Variants in NCALD observed in about 807,000 individuals in gnomAD.
NCALD encodes neurocalcin delta.
A neutral mutation model predicts 18.6 loss-of-function variants in NCALD; 10 were observed. The ratio of observed to expected loss-of-function variants is 0.54; its 90% CI spans 0.33 to 0.91. NCALD has a LOEUF of 0.91. NCALD is among the 40% of genes least tolerant of loss of function. NCALD has a pLI of 0.03. For synonymous variants in NCALD, 88 were observed against 87.4 expected, an observed-to-expected ratio of 1.01 and a Z score of -0.04; for missense variants, 184 against 247.6, an observed-to-expected ratio of 0.74 and a Z score of 1.72.
chr8:101,999,497 A>C (rs996184055), intron 2 of NCALD, among the ~76,000 whole-genome samples: 35 of 152,272 alleles, frequency 2.3e-4, no homozygotes, highest in Non-Finnish European at 7.4e-5. Flanking sequence ...AGAATGATAC[A>C]ATGGACTTTG....
chr8:102,048,816 C>T (rs1407074695), intron 1 of NCALD, among the ~76,000 whole-genome samples: 1 of 152,130 alleles, frequency 6.6e-6, no homozygotes, highest in African/African-American at 2.4e-5. Flanking sequence ...AGGAGAGGTG[C>T]CTTGTTTTCA....
chr8:102,054,549 G>A (rs1050332705), intron 1 of NCALD, among the ~76,000 whole-genome samples: 2 of 151,710 alleles, frequency 1.3e-5, no homozygotes, highest in African/African-American at 2.4e-5. Flanking sequence ...AATTCAGACC[G>A]CCTTTAGACT....
intron 2 of NCALD, among the ~76,000 whole-genome samples, chr8:101,704,088 T>G (rs922978755): frequency 3.9e-5 from 6 of 152,336 alleles, no homozygotes; most frequent in Admixed American, 1.3e-4. Context: ...AGCTGAGTGC[T>G]GCTCTCGTGT....
intron 1 of NCALD, among the ~76,000 whole-genome samples, chr8:102,026,003 G>A (rs1822441587): frequency 6.6e-6 from 1 of 152,118 alleles, no homozygotes; most frequent in Admixed American, 6.5e-5. Flanking sequence ...AGCAAAAGCA[G>A]GGAAAGTCCC....
intron 4 of NCALD, among the ~76,000 whole-genome samples, chr8:101,862,852 C>T (rs993359775): frequency 3.9e-5 from 6 of 152,188 alleles, no homozygotes; most frequent in Non-Finnish European, 8.8e-5. Context: ...TTTAAAAAGG[C>T]ATTATTAATA....
chr8:102,052,802 G>A (rs1823499497), intron 1 of NCALD, among the ~76,000 whole-genome samples: 1 of 152,208 alleles, frequency 6.6e-6, no homozygotes, highest in South Asian at 2.1e-4. Flanking sequence ...AACAGCCACA[G>A]AGAAGACACA....
At chr8:102,030,642 G>A (rs1458060672) in intron 1 of NCALD, among the ~76,000 whole-genome samples, 1 of 152,170 alleles carries the variant, frequency 6.6e-6, no homozygotes, top group Non-Finnish European at 1.5e-5. Context: ...AGCACTTTCG[G>A]AGTTGGGCGG....
intron 1 of NCALD, among the ~76,000 whole-genome samples, chr8:102,054,660 C>CGATAGATAGATAGATA (rs10617345): frequency 1.4e-5 from 2 of 142,294 alleles, no homozygotes; most frequent in South Asian, 2.4e-4. Context: ...CTTTCTCTTC[C>CGATAGATAGATAGATA]GATAGATAGA....
At chr8:102,071,392 G>A (rs1437650111) in intron 1 of NCALD, among the ~76,000 whole-genome samples, 5 of 152,088 alleles carry the variant, frequency 3.3e-5, no homozygotes, top group Admixed American at 1.3e-4. Context: ...CATAACCAAC[G>A]AAAATTCTCT....
chr8:101,725,134 C>A (rs1001865499), intron 1 of NCALD, among the ~76,000 whole-genome samples: 1 of 152,122 alleles, frequency 6.6e-6, no homozygotes, highest in African/African-American at 2.4e-5. Context: ...GCCTGGAAAC[C>A]ATGACCCTAA....
chr8:101,829,019 G>A (rs776419533), intron 4 of NCALD, among the ~76,000 whole-genome samples: 19 of 152,136 alleles, frequency 1.2e-4, no homozygotes, highest in Admixed American at 3.3e-4. Flanking sequence ...TTATAGGATT[G>A]CAGAGAGGAG....
intron 1 of NCALD, among the ~76,000 whole-genome samples, chr8:102,043,169 A>G (rs1211712873): frequency 6.6e-6 from 1 of 151,966 alleles, no homozygotes; most frequent in Non-Finnish European, 1.5e-5. Context: ...AACTTCACCT[A>G]ACAGTTATGA....
At chr8:102,008,778 T>G (rs942530811) in intron 2 of NCALD, among the ~76,000 whole-genome samples, 3 of 152,136 alleles carry the variant, frequency 2.0e-5, no homozygotes, top group Non-Finnish European at 4.4e-5. Context: ...AGTAACTGAT[T>G]CTTACTGCTT....
chr8:101,970,892 T>C (rs1433591609), intron 2 of NCALD, among the ~76,000 whole-genome samples: 9 of 152,200 alleles, frequency 5.9e-5, no homozygotes, highest in Non-Finnish European at 1.0e-4. Flanking sequence ...TAGGGCCTAA[T>C]AGGAGGTATT....
intron 3 of NCALD, among the ~76,000 whole-genome samples, chr8:101,901,288 T>G (rs1817411408): frequency 2.0e-5 from 3 of 150,674 alleles, no homozygotes; most frequent in South Asian, 4.1e-4. Flanking sequence ...TTTTTAAAAA[T>G]CCATCATGTC....
intron 2 of NCALD, among the ~76,000 whole-genome samples, chr8:101,954,229 GGT>G (rs1819538747): frequency 6.6e-6 from 1 of 152,168 alleles, no homozygotes; most frequent in South Asian, 2.1e-4. Flanking sequence ...AACTCATGAT[GGT>G]GACTTGGACA....
intron 4 of NCALD, among the ~76,000 whole-genome samples, chr8:101,878,086 T>C (rs1250577546): frequency 6.6e-6 from 1 of 152,216 alleles, no homozygotes; most frequent in African/African-American, 2.4e-5. Flanking sequence ...CACGGAAAAC[T>C]AAGTGGCCAA....
chr8:101,718,117 C>G (rs975136084), intron 2 of NCALD, among the ~76,000 whole-genome samples: 2 of 152,134 alleles, frequency 1.3e-5, no homozygotes, highest in African/African-American at 4.8e-5. Context: ...AGTGTCTGAG[C>G]ATTTTGTAAG....
rs145610991 is a variant in NCALD at position 101,933,225 on chromosome 8, G to A, written c.-156-17367C>T. 3.9e-3 allele frequency among the ~76,000 whole-genome samples: 589 copies of A among 152,322 alleles called. 5 individuals are homozygous for A. The highest frequency in any genetic ancestry group is 0.015 in the South Asian group (73 of 4,826). On this transcript the variant is annotated intron_variant, in intron 2 of 6. Transcript: ENST00000311028. ...TACCTTGTAGGAGAAAAGGGACATT[G>A]CAGATGTGATTAAGTTAAGGATCTT... is the stretch of plus-strand genomic sequence containing the variant.
Sources: gnomAD v4.1 joint callset for allele counts (sites outside exome capture counted in the v4.1 genomes callset) on GRCh38, gnomAD v4.1.1 for gene constraint, MANE v1.5 for transcripts, NCBI Gene and HGNC (gene_info 2026-07-23, HGNC 2026-07-21) for gene names.